The following RAPGEF2 variants were observed in gnomAD, a reference collection of about 807,000 sequenced individuals.
The protein encoded by RAPGEF2 is PDZ domain containing guanine nucleotide exchange factor (GEF) 1.
RAPGEF2 carries 54 observed loss-of-function variants against 186.7 expected under a neutral mutation model. The observed-to-expected ratio is 0.29, with a 90% CI of 0.23 to 0.36. The LOEUF is 0.36. RAPGEF2 is among the 10% of genes least tolerant of loss of function. The pLI is 1.00. For missense variants in RAPGEF2, 1,532 were observed against 2,045.0 expected (o/e 0.75, Z 4.84); for synonymous variants, 712 against 705.9 (o/e 1.01, Z -0.14).
chr4:159,251,623 G>A (rs909337103), intron 7 of RAPGEF2, among the ~76,000 whole-genome samples: 3 of 152,058 alleles, frequency 2.0e-5, no homozygotes, highest in African/African-American at 7.2e-5. Context: ...TCTGTGTCTA[G>A]CAAGTCTCGT....
intron 1 of RAPGEF2, among the ~76,000 whole-genome samples, chr4:159,151,815 CTT>C: frequency 6.6e-6 from 1 of 151,996 alleles, no homozygotes; most frequent in East Asian, 1.9e-4. Flanking sequence ...AACTTTAAAG[CTT>C]TGCATCTTAG....
intron 7 of RAPGEF2, among the ~76,000 whole-genome samples, chr4:159,289,110 C>T (rs1032380367): frequency 6.6e-6 from 1 of 152,126 alleles, no homozygotes; most frequent in African/African-American, 2.4e-5. Context: ...TCCCCTCAAG[C>T]CCCTCCTCTC....
intron 9 of RAPGEF2, among the ~76,000 whole-genome samples, chr4:159,316,655 T>C (rs761635476): frequency 6.6e-6 from 1 of 152,218 alleles, no homozygotes. Context: ...ATCTTGTTCT[T>C]TTTATGGCTG....
At chr4:159,340,621 A>G (rs562613891) in intron 19 of RAPGEF2, among the ~76,000 whole-genome samples, 1 of 151,272 alleles carries the variant, frequency 6.6e-6, no homozygotes, top group South Asian at 2.1e-4. Flanking sequence ...CAGAGAAAGC[A>G]TGTGTCTAAA....
At chr4:159,304,989 C>T (rs1377458506) in intron 8 of RAPGEF2, among the ~76,000 whole-genome samples, 3 of 152,130 alleles carry the variant, frequency 2.0e-5, no homozygotes, top group African/African-American at 7.2e-5. Flanking sequence ...CCTCCACTTC[C>T]ATCCATATTG....
At chr4:159,154,020 A>G (rs1327241133) in intron 1 of RAPGEF2, among the ~76,000 whole-genome samples, 2 of 152,208 alleles carry the variant, frequency 1.3e-5, no homozygotes, top group Non-Finnish European at 2.9e-5. Context: ...GTGGTTAGAT[A>G]CGGAATCTGA....
chr4:159,286,998 C>T (rs1760590377), intron 7 of RAPGEF2, among the ~76,000 whole-genome samples: 1 of 151,858 alleles, frequency 6.6e-6, no homozygotes, highest in Non-Finnish European at 1.5e-5. Context: ...TATAAAAAAG[C>T]CATTTGATAA....
chr4:159,105,099 T>G (rs1737734927), intron 1 of RAPGEF2, among the ~76,000 whole-genome samples: 1 of 152,228 alleles, frequency 6.6e-6, no homozygotes, highest in Non-Finnish European at 1.5e-5. Context: ...TTTGGTTGTC[T>G]CAAGTTTTAC....
chr4:159,258,818 C>G (rs1290608176), intron 7 of RAPGEF2, among the ~76,000 whole-genome samples: 2 of 152,058 alleles, frequency 1.3e-5, no homozygotes, highest in Non-Finnish European at 2.9e-5. Context: ...TTTAGTATTT[C>G]TAGGAGTGGC....
At chr4:159,196,852 C>T (rs35689596) in intron 3 of RAPGEF2, among the ~76,000 whole-genome samples, 47,216 of 152,102 alleles carry the variant, frequency 0.31, 7,729 homozygotes, top group Non-Finnish European at 0.37. Flanking sequence ...ACAAAAACGC[C>T]ATTTTAGATT....
rs541303989 is a variant in RAPGEF2 at position 159,196,160 on chromosome 4, G to A, written c.197+2904G>A. On this transcript the variant is annotated intron_variant, in intron 3 of 29. Transcript: ENST00000691494. ...AAATTCACATAATCAGATTTCTAGCGTTTGGCCAATCTTGTGATGAAATGT... is the reference window on the plus strand; with the variant it reads ...AAATTCACATAATCAGATTTCTAGCATTTGGCCAATCTTGTGATGAAATGT... Among the ~76,000 whole-genome samples, 31 of 152,140 alleles carry A rather than the reference G, an allele frequency of 2.0e-4. 1 individual carries two copies. In the Middle Eastern group the frequency reaches 0.01, roughly 50 times the overall value.
At chr4:159,207,287 A>G (rs997067590) in intron 3 of RAPGEF2, among the ~76,000 whole-genome samples, 3 of 152,226 alleles carry the variant, frequency 2.0e-5, no homozygotes, top group Non-Finnish European at 4.4e-5. Flanking sequence ...AGGCTAATCG[A>G]CGGGTGGTAA....
chr4:159,196,106 A>C (rs1748628106), intron 3 of RAPGEF2, among the ~76,000 whole-genome samples: 2 of 152,150 alleles, frequency 1.3e-5, no homozygotes, highest in African/African-American at 4.8e-5. Flanking sequence ...TTATGATTTC[A>C]TAAGGCCCAA....
rs527627395 is a variant in RAPGEF2, at chr4:159,104,256, C to T, written c.69+25C>T. 6.2e-4 allele frequency: 734 copies of T among 1,181,782 alleles called. 5 individuals carry two copies. The African/African-American group carries it at 0.012, about 19-fold the overall frequency. 73.2% of individuals were successfully genotyped at this position (1,181,782 alleles called of 1,614,324 possible). ...GGTGAGAACGCGGCGGCCGCCTGCC[C>T]TTGGCCGGATTTCTGCCTCGCAGGC... On this transcript the variant is annotated intron_variant, in intron 1 of 29. Coordinates refer to ENST00000691494, the MANE Select transcript of RAPGEF2 (RefSeq NM_001394067.2).
intron 2 of RAPGEF2, 101 bp downstream of exon 2, chr4:159,186,813 ATAAT>A (rs1445981177): frequency 6.5e-6 from 4 of 615,362 alleles, no homozygotes; most frequent in Middle Eastern, 3.5e-4. Context: ...ACTTGACATA[ATAAT>A]TGTACATATT....
At chr4:159,287,024 G>A (rs541535538) in intron 7 of RAPGEF2, among the ~76,000 whole-genome samples, 1 of 152,248 alleles carries the variant, frequency 6.6e-6, no homozygotes, top group African/African-American at 2.4e-5. Context: ...TATGGAATGT[G>A]TAAGAGGAAA....
chr4:159,312,325 G>A (rs763242608), intron 8 of RAPGEF2, among the ~76,000 whole-genome samples: 1 of 152,072 alleles, frequency 6.6e-6, no homozygotes, highest in South Asian at 2.1e-4. Context: ...GTAATAAATA[G>A]TCTTCAATGT....
intron 1 of RAPGEF2, among the ~76,000 whole-genome samples, chr4:159,160,157 C>T (rs1417529864): frequency 1.3e-5 from 2 of 152,200 alleles, no homozygotes; most frequent in Non-Finnish European, 2.9e-5. Context: ...AGACACATGT[C>T]TATTCACATT....
chr4:159,281,038 T>G (rs1273571625), intron 7 of RAPGEF2, among the ~76,000 whole-genome samples: 1 of 150,334 alleles, frequency 6.7e-6, no homozygotes. Flanking sequence ...CAGGCTAGAG[T>G]GCGGTGGCTC....
Sources: gnomAD v4.1 joint callset for allele counts (sites outside exome capture counted in the v4.1 genomes callset) on GRCh38, gnomAD v4.1.1 for gene constraint, MANE v1.5 for transcripts, NCBI Gene and HGNC (gene_info 2026-07-23, HGNC 2026-07-21) for gene names.